CLDN14: variants seen among roughly 807,000 people sequenced by gnomAD.
CLDN14 encodes the protein claudin-14.
A neutral mutation model predicts 2.1 loss-of-function variants in CLDN14; 2 were observed. That is an observed-to-expected ratio of 0.96 (90% CI 0.39 to 3.01). The LOEUF (loss-of-function observed/expected upper bound fraction) is 3.01, where lower values mean the gene tolerates loss of function less well. Ranked by LOEUF, CLDN14 falls within the 30% of genes most tolerant of loss-of-function variation. The pLI is 0.09. For missense variants in CLDN14, 298 were observed against 328.0 expected (o/e 0.91, Z 0.71); for synonymous variants, 136 against 154.4 (o/e 0.88, Z 0.88).
intron 1 of CLDN14, among the ~76,000 whole-genome samples, chr21:36,541,472 C>T (rs556030821): frequency 1.6e-4 from 24 of 152,202 alleles, no homozygotes; most frequent in African/African-American, 4.3e-4. Context: ...CTGAGTTCCC[C>T]AGGAACCAAA....
upstream of CLDN14, among the ~76,000 whole-genome samples, chr21:36,484,478 CA>C (rs2086875868): frequency 6.6e-6 from 1 of 152,068 alleles, no homozygotes; most frequent in African/African-American, 2.4e-5. Flanking sequence ...GCCAAGAGTC[CA>C]AAACCAAGAC....
intron 1 of CLDN14, among the ~76,000 whole-genome samples, chr21:36,514,187 C>A (rs987616938): frequency 2.0e-5 from 3 of 152,116 alleles, no homozygotes; most frequent in African/African-American, 7.2e-5. Context: ...GAAGGTGTAG[C>A]TGGGAGACAA....
intron 1 of CLDN14, among the ~76,000 whole-genome samples, chr21:36,468,643 A>G (rs1264962133): frequency 6.6e-6 from 1 of 152,184 alleles, no homozygotes; most frequent in Non-Finnish European, 1.5e-5. Flanking sequence ...GGATTCATTT[A>G]GATAAGACAT....
chr21:36,488,220 CCCTTCCTTCCTT>C (rs747508864), intron 2 of CLDN14, among the ~76,000 whole-genome samples: 1,232 of 97,294 alleles, frequency 0.013, 13 homozygotes, highest in Non-Finnish European at 0.016. Context: ...ACTGTGATTC[CCCTTCCTTCCTT>C]CCTTCCTTCC....
intron 1 of CLDN14, among the ~76,000 whole-genome samples, chr21:36,522,769 G>A (rs781656293): frequency 1.8e-4 from 27 of 152,078 alleles, no homozygotes; most frequent in Non-Finnish European, 2.9e-4. Context: ...AGTTTGAGAG[G>A]AGTGTAGATT....
intron 1 of CLDN14, among the ~76,000 whole-genome samples, chr21:36,553,303 A>C (rs2146518698): frequency 6.6e-6 from 1 of 152,190 alleles, no homozygotes; most frequent in East Asian, 1.9e-4. Context: ...AGGCGAGAGG[A>C]AGGGGAAGGT....
At chr21:36,462,337 CG>C (rs141129591) in intron 1 of CLDN14, among the ~76,000 whole-genome samples, 5,081 of 152,100 alleles carry the variant, frequency 0.033, 279 homozygotes, top group African/African-American at 0.11. Flanking sequence ...CAGCTGATGC[CG>C]GGGCAGGAAT....
At chr21:36,489,131 A>AAAAAAAAATAT in intron 2 of CLDN14, among the ~76,000 whole-genome samples, 8 of 62,752 alleles carry the variant, frequency 1.3e-4, no homozygotes, top group African/African-American at 2.3e-4. Flanking sequence ...AAAAAAAAAA[A>AAAAAAAAATAT]ATATATATAT....
chr21:36,524,741 G>T (rs2087310131), intron 1 of CLDN14, among the ~76,000 whole-genome samples: 1 of 152,204 alleles, frequency 6.6e-6, no homozygotes, highest in South Asian at 2.1e-4. Context: ...AGCAGGGCTG[G>T]TGGGCACTTG....
intron 1 of CLDN14, among the ~76,000 whole-genome samples, chr21:36,571,854 A>G (rs2087712207): frequency 1.3e-5 from 2 of 152,204 alleles, no homozygotes; most frequent in Admixed American, 1.3e-4. Context: ...CCCAACCCCT[A>G]CGTTTCTAAG....
At chr21:36,535,370 A>T (rs1446596256) in intron 1 of CLDN14, among the ~76,000 whole-genome samples, 1 of 152,072 alleles carries the variant, frequency 6.6e-6, no homozygotes, top group Non-Finnish European at 1.5e-5. Context: ...AGCCTAGGTG[A>T]CAGAGTGAGA....
Position 36,551,270 on chromosome 21 carries a change from C to T in CLDN14, c.-220+25141G>A, listed in dbSNP as rs1386201106. 1.3e-5 allele frequency among the ~76,000 whole-genome samples: 2 copies of T among 152,210 alleles called. No homozygotes were observed. The highest frequency in any genetic ancestry group is 2.9e-5 in the Non-Finnish European group (2 of 68,036). On this transcript the variant is annotated intron_variant, in intron 1 of 2. Transcript: ENST00000342108. The surrounding 1 kb of genome is among the most constrained non-coding windows in gnomAD (Gnocchi z 4.8). ...CGATGGCTTGGCCCCCTCCCCTTGGCCTCTGCGCTGGGAGGGAGGACCCCA... is the reference window on the plus strand; with the variant it reads ...CGATGGCTTGGCCCCCTCCCCTTGGTCTCTGCGCTGGGAGGGAGGACCCCA...
upstream of CLDN14, chr21:36,480,408 G>C (rs938177413): frequency 2.6e-5 from 4 of 152,262 alleles, no homozygotes; most frequent in African/African-American, 9.6e-5. Flanking sequence ...ACACTTGCTT[G>C]ACAGCGATGT....
At chr21:36,511,446 C>G (rs1051664403) in intron 1 of CLDN14, among the ~76,000 whole-genome samples, 1 of 152,098 alleles carries the variant, frequency 6.6e-6, no homozygotes, top group African/African-American at 2.4e-5. Context: ...GTAACAGGGA[C>G]CAGAATTTTT....
intron 1 of CLDN14, among the ~76,000 whole-genome samples, chr21:36,563,298 A>C (rs1224466486): frequency 1.3e-5 from 2 of 152,160 alleles, no homozygotes; most frequent in Non-Finnish European, 2.9e-5. Context: ...TGGGGTTTTA[A>C]ATCCTAAATC....
intron 1 of CLDN14, among the ~76,000 whole-genome samples, chr21:36,472,888 G>A (rs557650434): frequency 5.1e-4 from 77 of 152,232 alleles, no homozygotes; most frequent in African/African-American, 1.8e-3. Flanking sequence ...CAAATGTCCC[G>A]TCTCCAAATA....
At chr21:36,490,015 C>A (rs1458085143) in intron 2 of CLDN14, among the ~76,000 whole-genome samples, 1 of 152,166 alleles carries the variant, frequency 6.6e-6, no homozygotes, top group East Asian at 1.9e-4. Context: ...CTCCCAGGCC[C>A]AGCTGTATCT....
chr21:36,540,459 T>C (rs1370724322), intron 1 of CLDN14, among the ~76,000 whole-genome samples: 2 of 152,120 alleles, frequency 1.3e-5, no homozygotes, highest in African/African-American at 4.8e-5. Flanking sequence ...TAGGAACATA[T>C]CTAATTACCA....
chr21:36,517,916 G>C (rs190619703), intron 1 of CLDN14, among the ~76,000 whole-genome samples: 1 of 152,276 alleles, frequency 6.6e-6, no homozygotes, highest in East Asian at 1.9e-4. Flanking sequence ...TGACCTCTTT[G>C]AGCAAGAAAG....
Sources: allele counts gnomAD v4.1 joint callset (sites outside exome capture counted in the v4.1 genomes callset), GRCh38; gene constraint gnomAD v4.1.1; non-coding constraint Gnocchi (gnomAD v3.1); transcripts MANE v1.5; gene names NCBI Gene and HGNC (gene_info 2026-07-23, HGNC 2026-07-21).